Variants in STARD13 observed in about 807,000 individuals in gnomAD.
STARD13 encodes the protein StAR related lipid transfer domain containing 13.
STARD13 carries 62 observed loss-of-function variants against 106.4 expected under a neutral mutation model. That is an observed-to-expected ratio of 0.58 (90% confidence interval 0.48 to 0.72). STARD13 has a LOEUF of 0.72. STARD13 is among the 30% of genes least tolerant of loss of function. The probability of loss-of-function intolerance (pLI) is 0.00; values close to 1 mark genes in which losing one functional copy is unlikely to be tolerated. For synonymous variants in STARD13, 565 were observed against 553.0 expected (o/e 1.02, Z -0.31); for missense variants, 1,387 against 1,424.0 (o/e 0.97, Z 0.42).
intron 1 of STARD13, among the ~76,000 whole-genome samples, chr13:33,185,353 A>G (rs1594069325): frequency 1.3e-5 from 2 of 152,254 alleles, no homozygotes; most frequent in African/African-American, 2.4e-5. Context: ...ATAGCAGGAC[A>G]TCTTATGTTT....
chr13:33,307,552 T>C (rs1308146275), intron 1 of STARD13, among the ~76,000 whole-genome samples: 3 of 152,108 alleles, frequency 2.0e-5, no homozygotes, highest in Non-Finnish European at 2.9e-5. Flanking sequence ...AGCAAACTAA[T>C]GCAGGAACAG....
chr13:33,549,919 A>G, the STARD13 span, among the ~76,000 whole-genome samples: 1 of 152,148 alleles, frequency 6.6e-6, no homozygotes, highest in Admixed American at 6.5e-5. Flanking sequence ...TATTCCAAAC[A>G]TGGGCATTCT....
At chr13:33,245,643 G>A (rs1254592790) in intron 1 of STARD13, among the ~76,000 whole-genome samples, 3 of 152,186 alleles carry the variant, frequency 2.0e-5, no homozygotes, top group African/African-American at 7.2e-5. Context: ...GGGCAGGACT[G>A]AAATGCAGAT....
the STARD13 span, among the ~76,000 whole-genome samples, chr13:33,580,023 ATACTCT>A: frequency 1.3e-5 from 2 of 152,098 alleles, no homozygotes; most frequent in Non-Finnish European, 2.9e-5. Flanking sequence ...ATAACTAAAC[ATACTCT>A]TAATATAAGA....
chr13:33,260,690 A>G (rs1890596156), intron 1 of STARD13, among the ~76,000 whole-genome samples: 1 of 152,214 alleles, frequency 6.6e-6, no homozygotes, highest in Non-Finnish European at 1.5e-5. Context: ...ATATCTAGAT[A>G]TTGCGACTTC....
chr13:33,444,117 C>T, the STARD13 span, among the ~76,000 whole-genome samples: 7 of 152,096 alleles, frequency 4.6e-5, no homozygotes, highest in African/African-American at 1.4e-4. Context: ...ACGTGTCTCT[C>T]GACCACCAGT....
chr13:33,662,222 A>G, the STARD13 span, among the ~76,000 whole-genome samples: 2 of 151,570 alleles, frequency 1.3e-5, no homozygotes, highest in East Asian at 3.9e-4. Flanking sequence ...AGATCATGCC[A>G]CTGTACTACA....
At chr13:33,644,581 A>G in the STARD13 span, among the ~76,000 whole-genome samples, 1 of 152,142 alleles carries the variant, frequency 6.6e-6, no homozygotes, top group Admixed American at 6.5e-5. Context: ...AGAGGCAGAG[A>G]GAGTTGAAGA....
chr13:33,110,053 G>T lies in STARD13; in HGVS notation c.2867C>A (p.Ser956Tyr). 2 of 1,614,230 alleles carry T rather than the reference G, an allele frequency of 1.2e-6. No homozygotes were observed. The highest frequency in any genetic ancestry group is 1.7e-6 in the Non-Finnish European group (2 of 1,180,038). The change falls in exon 12 of 14, where the codon TCT becomes TAT. Residue 956 changes from serine to tyrosine, a missense_variant. Physicochemically the swap from Ser to Tyr is moderately radical, Grantham distance 144. Coordinates refer to ENST00000336934, the MANE Select transcript of STARD13 (RefSeq NM_178006.4). ...DGNPLKLWKASVEVEAPPSVV... is the reference protein window; with the variant it reads ...DGNPLKLWKAYVEVEAPPSVV... ...TGAGGGGGGTGCTTCCACCTCCACA[G>T]AAGCCTTCCACAGCTTCAGCGGGTT...
chr13:33,185,951 C>T (rs752657460), intron 1 of STARD13: 1 of 1,614,210 alleles, frequency 6.2e-7, no homozygotes, highest in South Asian at 1.1e-5. Context: ...ATTCTCTGCA[C>T]CAGCGCAGCA....
the STARD13 span, among the ~76,000 whole-genome samples, chr13:33,588,904 A>G: frequency 1.3e-5 from 2 of 152,188 alleles, no homozygotes; most frequent in Non-Finnish European, 2.9e-5. Flanking sequence ...GGCACCTACA[A>G]TAAACCAAGT....
chr13:33,539,457 G>C, the STARD13 span, among the ~76,000 whole-genome samples: 1 of 152,094 alleles, frequency 6.6e-6, no homozygotes, highest in Non-Finnish European at 1.5e-5. Context: ...AAGTAATTTT[G>C]AGGAAAAAAA....
At chr13:33,392,948 T>C in the STARD13 span, among the ~76,000 whole-genome samples, 4 of 152,226 alleles carry the variant, frequency 2.6e-5, no homozygotes, top group Non-Finnish European at 5.9e-5. Context: ...GTTTAATTAC[T>C]CCAAAGCCCT....
chr13:33,603,344 G>A, the STARD13 span, among the ~76,000 whole-genome samples: 11 of 152,152 alleles, frequency 7.2e-5, no homozygotes, highest in Non-Finnish European at 2.9e-5. Context: ...TCAGGCATTG[G>A]CTATCTGTGT....
chr13:33,622,595 A>ACAGAG, the STARD13 span, among the ~76,000 whole-genome samples: 5 of 127,852 alleles, frequency 3.9e-5, no homozygotes, highest in East Asian at 5.0e-4. Flanking sequence ...AGTCTCGGCG[A>ACAGAG]CAGAGCGAGA....
At chr13:33,647,979 A>C in the STARD13 span, among the ~76,000 whole-genome samples, 1 of 152,304 alleles carries the variant, frequency 6.6e-6, no homozygotes, top group African/African-American at 2.4e-5. Flanking sequence ...AAGGACAATG[A>C]TACGTGCTCT....
chr13:33,542,820 G>A, the STARD13 span, among the ~76,000 whole-genome samples: 1 of 152,242 alleles, frequency 6.6e-6, no homozygotes, highest in Non-Finnish European at 1.5e-5. Flanking sequence ...GGCTCTCGGT[G>A]CGGCAGCGCC....
chr13:33,165,409 A>T lies in STARD13; in HGVS notation c.251T>A (p.Phe84Tyr). The change falls in exon 3 of 14, where the codon TTT becomes TAT. Residue 84 changes from phenylalanine (F) to tyrosine (Y), a missense_variant. Phe to Tyr is a conservative substitution (Grantham distance 22, BLOSUM62 3). Coordinates refer to ENST00000336934, the MANE Select transcript of STARD13 (RefSeq NM_178006.4). The stretch of plus-strand genomic sequence containing the variant: ...CTTGACAGCCACAATGTTGATGGGA[A>T]ATTGTGAATCTGAGAGAGAAAGACA... ...QYAQLYEDSQ[F>Y]PINIVAVKND... 11 of 1,613,284 alleles carry T rather than the reference A, an allele frequency of 6.8e-6. No homozygotes were observed. Among genetic ancestry groups the T allele is most frequent in the Non-Finnish European group, 9.3e-6 (11 of 1,179,232 alleles).
At chr13:33,287,690 A>G (rs966940875), upstream of STARD13, among the ~76,000 whole-genome samples, 11 of 152,192 alleles carry the variant, frequency 7.2e-5, no homozygotes, top group African/African-American at 1.7e-4. Context: ...TGGCCGTCCA[A>G]TTAAGGTGCT....
Sources: allele counts gnomAD v4.1 joint callset (sites outside exome capture counted in the v4.1 genomes callset), GRCh38; gene constraint gnomAD v4.1.1; transcripts MANE v1.5; gene names NCBI Gene and HGNC (gene_info 2026-07-23, HGNC 2026-07-21).